Variants in CHD7 observed in about 807,000 individuals in gnomAD.
CHD7 encodes chromodomain helicase DNA binding protein 7.
A neutral mutation model predicts 307.3 loss-of-function variants in CHD7; 24 were observed. The observed-to-expected ratio is 0.08, with a 90% CI of 0.06 to 0.11. The LOEUF (loss-of-function observed/expected upper bound fraction) is 0.11, where lower values mean the gene tolerates loss of function less well. CHD7 is among the 10% of genes least tolerant of loss of function. CHD7 has a pLI of 1.00. For synonymous variants in CHD7, 1,363 were observed against 1,349.9 expected (o/e 1.01, Z -0.21); for missense variants, 3,106 against 3,727.1 (o/e 0.83, Z 4.34).
chr8:60,837,095 A>T, intron 17 of CHD7, 83 bp downstream of exon 17: 2 of 1,104,568 alleles, frequency 1.8e-6, no homozygotes, highest in South Asian at 1.7e-5. Flanking sequence ...CAGACCCATA[A>T]ATTAATGTTG....
At chr8:60,746,768 A>G (rs1467831693) in intron 2 of CHD7, among the ~76,000 whole-genome samples, 2 of 152,250 alleles carry the variant, frequency 1.3e-5, no homozygotes, top group African/African-American at 2.4e-5. Context: ...TGTTAGAACA[A>G]AAAGGCCACA....
intron 2 of CHD7, among the ~76,000 whole-genome samples, chr8:60,761,354 AG>A: frequency 1.5e-5 from 1 of 67,652 alleles, no homozygotes; most frequent in Non-Finnish European, 2.6e-5. Flanking sequence ...GGGTGGGGGG[AG>A]GGGGGAGGGA....
rs141625014 is a variant in CHD7, at chr8:60,824,034, T to C, written c.3378+18T>C. On this transcript the variant is annotated intron_variant, in intron 13 of 37. Transcript: ENST00000423902. The stretch of plus-strand genomic sequence containing the variant: ...TGGACTTGGTCAGTGACCATATTGG[T>C]GATTGCACTGAACCTGAATAGAATT... The C allele has an allele frequency of 5.4e-5, 87 of 1,604,238 alleles. No homozygotes were observed. In the Middle Eastern group the frequency reaches 6.6e-4, roughly 12 times the overall value.
chr8:60,827,948 T>G (rs2150759688), intron 13 of CHD7, among the ~76,000 whole-genome samples: 1 of 152,264 alleles, frequency 6.6e-6, no homozygotes, highest in Non-Finnish European at 1.5e-5. Context: ...ATCTCACTAT[T>G]GTTAAGACTG....
intron 1 of CHD7, among the ~76,000 whole-genome samples, chr8:60,687,879 T>TCC (rs1454463325): frequency 7.2e-5 from 11 of 152,238 alleles, no homozygotes; most frequent in Non-Finnish European, 1.5e-4. Context: ...CTCCACAATC[T>TCC]GTGTACATAA....
At chr8:60,767,558 A>G (rs980533106) in intron 2 of CHD7, among the ~76,000 whole-genome samples, 2 of 152,004 alleles carry the variant, frequency 1.3e-5, no homozygotes, top group Non-Finnish European at 2.9e-5. Flanking sequence ...AGCTCATGGC[A>G]CTCTGGTGGT....
At position 60,820,036 on chromosome 8, in the gene CHD7, T is replaced by C. The variant is rs587783433; in HGVS notation, c.2643T>C (p.Tyr881=). 9.9e-6 allele frequency: 16 copies of C among 1,610,630 alleles called. No individual in the cohort carries two copies. The highest frequency in any genetic ancestry group is 1.3e-5 in the African/African-American group (1 of 74,718). The change falls in exon 9 of 38, where the codon TAT becomes TAC. Residue 881 remains tyrosine, a synonymous_variant. Coordinates refer to ENST00000423902, the MANE Select transcript of CHD7 (RefSeq NM_017780.4). ...EIEDELFNPD[Y]VEVDRIMDFA... Reference sequence around the variant, plus strand: ...AGGATGAGCTTTTTAATCCAGATTATGTGGAGGTTGACCGGATAATGGACT... The same window carrying C: ...AGGATGAGCTTTTTAATCCAGATTACGTGGAGGTTGACCGGATAATGGACT...
At chr8:60,746,997 G>A (rs1215263587) in intron 2 of CHD7, among the ~76,000 whole-genome samples, 1 of 152,232 alleles carries the variant, frequency 6.6e-6, no homozygotes, top group East Asian at 1.9e-4. Flanking sequence ...CAAAGAGTGT[G>A]TGTTAGCTAT....
rs587783458 is a variant in CHD7 at position 60,862,322 on chromosome 8, C to T, written c.7957C>T (p.Arg2653Ter). 6.2e-7 allele frequency: 1 copy of T among 1,602,764 alleles called. No individual in the cohort carries two copies. Among genetic ancestry groups the T allele is most frequent in the Non-Finnish European group, 8.5e-7 (1 of 1,175,282 alleles). ...AGAAAGGGTGCCTGTTGTCAATAAA[C>T]GAAATGGGAAGAAGGTAAACGCTGG... ...GEERVPVVNKRNGKKMGGAMA... is the reference protein window; with the variant it reads ...GEERVPVVNK The change falls in exon 36 of 38, where the codon CGA (arginine) becomes TGA (stop). Residue 2653 changes from arginine to a stop codon, truncating the protein, a stop_gained. Coordinates refer to ENST00000423902, the MANE Select transcript of CHD7 (RefSeq NM_017780.4). LOFTEE classifies it high-confidence loss of function.
chr8:60,833,895 T>A (rs752667374), intron 15 of CHD7, among the ~76,000 whole-genome samples: 1 of 152,216 alleles, frequency 6.6e-6, no homozygotes, highest in Non-Finnish European at 1.5e-5. Context: ...CCTTCAATGT[T>A]GCCACAATAA....
chr8:60,734,563 A>G (rs1808611050), intron 1 of CHD7, among the ~76,000 whole-genome samples: 1 of 152,162 alleles, frequency 6.6e-6, no homozygotes, highest in Non-Finnish European at 1.5e-5. Flanking sequence ...TAACAAAGGA[A>G]CTGAGATGAA....
intron 13 of CHD7, among the ~76,000 whole-genome samples, chr8:60,826,568 A>T (rs1804262148): frequency 1.3e-5 from 2 of 152,254 alleles, no homozygotes; most frequent in African/African-American, 4.8e-5. Flanking sequence ...CACTAGACTC[A>T]GTTGCGATGA....
intron 1 of CHD7, among the ~76,000 whole-genome samples, chr8:60,738,869 G>C (rs1388148740): frequency 1.3e-5 from 2 of 152,188 alleles, no homozygotes; most frequent in African/African-American, 4.8e-5. Context: ...AAGCGTCTGG[G>C]AGATGGACAC....
At chr8:60,707,908 A>G (rs1287085803) in intron 1 of CHD7, among the ~76,000 whole-genome samples, 1 of 152,224 alleles carries the variant, frequency 6.6e-6, no homozygotes, top group South Asian at 2.1e-4. Flanking sequence ...GGTACATGCA[A>G]GTTTGAATAA....
At chr8:60,757,798 G>A (rs1279289310) in intron 2 of CHD7, among the ~76,000 whole-genome samples, 1 of 152,186 alleles carries the variant, frequency 6.6e-6, no homozygotes, top group Non-Finnish European at 1.5e-5. Context: ...ATAAAATGAG[G>A]CATGATTAGT....
chr8:60,806,465 A>G (rs1223757317), intron 6 of CHD7, among the ~76,000 whole-genome samples: 1 of 152,224 alleles, frequency 6.6e-6, no homozygotes, highest in African/African-American at 2.4e-5. Context: ...TTTATTTATA[A>G]ATTAATTCCA....
chr8:60,752,312 T>C (rs1311155294), intron 2 of CHD7, among the ~76,000 whole-genome samples: 1 of 152,178 alleles, frequency 6.6e-6, no homozygotes, highest in Non-Finnish European at 1.5e-5. Context: ...GCTGGGAGAC[T>C]GTGTGGAGGG....
At chr8:60,714,871 T>C (rs1042445632) in intron 1 of CHD7, among the ~76,000 whole-genome samples, 2 of 152,242 alleles carry the variant, frequency 1.3e-5, no homozygotes, top group African/African-American at 4.8e-5. Context: ...TGCCTGTTGC[T>C]GACATAGCTC....
chr8:60,803,616 G>A (rs1181022845), intron 6 of CHD7, among the ~76,000 whole-genome samples: 1 of 152,098 alleles, frequency 6.6e-6, no homozygotes, highest in Non-Finnish European at 1.5e-5. Flanking sequence ...ATGCTTTGAG[G>A]TATGATTTAA....
Sources: gnomAD v4.1 joint callset for allele counts (sites outside exome capture counted in the v4.1 genomes callset) on GRCh38, gnomAD v4.1.1 for gene constraint, MANE v1.5 for transcripts, NCBI Gene and HGNC (gene_info 2026-07-23, HGNC 2026-07-21) for gene names.